ITPR2: variants seen among roughly 807,000 people sequenced by gnomAD.
The protein encoded by ITPR2 is inositol 1,4,5-trisphosphate-gated calcium channel ITPR2.
A neutral mutation model predicts 317.1 loss-of-function variants in ITPR2; 207 were observed. The observed-to-expected ratio is 0.65, with a 90% CI of 0.58 to 0.73. The LOEUF is 0.73. ITPR2 is among the 30% of genes least tolerant of loss of function. The probability of loss-of-function intolerance (pLI) is 0.00; values close to 1 mark genes in which losing one functional copy is unlikely to be tolerated. For synonymous variants in ITPR2, 1,156 were observed against 1,149.1 expected, an observed-to-expected ratio of 1.01 and a Z score of -0.12; for missense variants, 2,613 against 3,284.0, an observed-to-expected ratio of 0.80 and a Z score of 4.99.
intron 26 of ITPR2, among the ~76,000 whole-genome samples, chr12:26,614,373 T>C (rs766664890): frequency 5.3e-5 from 8 of 151,848 alleles, no homozygotes; most frequent in African/African-American, 1.9e-4. Context: ...AAAATAGGTA[T>C]ATAGGATGGG....
chr12:26,516,993 G>A (rs1031363895), intron 37 of ITPR2, among the ~76,000 whole-genome samples: 1 of 152,062 alleles, frequency 6.6e-6, no homozygotes, highest in African/African-American at 2.4e-5. Flanking sequence ...AATATATAAT[G>A]TAATAGAATT....
At chr12:26,357,047 G>A (rs117217310) in intron 55 of ITPR2, among the ~76,000 whole-genome samples, 4,795 of 152,054 alleles carry the variant, frequency 0.032, 128 homozygotes, top group Non-Finnish European at 0.05. Flanking sequence ...ATATCACTTG[G>A]TATTTCCCGA....
intron 49 of ITPR2, among the ~76,000 whole-genome samples, chr12:26,427,061 A>G (rs1941081612): frequency 6.6e-6 from 1 of 152,068 alleles, no homozygotes; most frequent in Non-Finnish European, 1.5e-5. Flanking sequence ...CTTGATACTG[A>G]ATGATCAATC....
rs539794982 is a variant in ITPR2 at position 26,682,698 on chromosome 12, AC to A, written c.1149-26del. 3.0e-4 allele frequency: 443 copies of A among 1,456,808 alleles called. No homozygotes were observed. In the East Asian group the frequency reaches 8.7e-3, roughly 29 times the overall value. The allele number at this position is 1,456,808 out of a possible 1,614,324, so 90.2% of individuals were successfully genotyped here. A position where few individuals can be genotyped will look rare whatever the true frequency, so the allele number is the denominator to read the frequency against. On this transcript the variant is annotated intron_variant, in intron 11 of 56. Transcript: ENST00000381340. ...CCTAAAAGCAAAACAATATAAAAAA[AC>A]AAATTATAAAAAATTAGCACACTTA...
chr12:26,797,492 C>T (rs899672011), intron 1 of ITPR2, among the ~76,000 whole-genome samples: 1 of 151,998 alleles, frequency 6.6e-6, no homozygotes, highest in African/African-American at 2.4e-5. Flanking sequence ...TGTTTGTTTA[C>T]CACATATATC....
chr12:26,428,047 C>A lies in ITPR2; in HGVS notation c.6811G>T (p.Val2271Phe), dbSNP rs779499621. ...AACAGCATAGATGTGCAGATCGCAA[C>A]TGCTATCCAAAGAAGAACCGAGAAC... ...PLFSVLLWIAVAICTSMLFFF... is the reference protein window; with the variant it reads ...PLFSVLLWIAFAICTSMLFFF... The change falls in exon 49 of 57, where the codon GTT (valine) becomes TTT (phenylalanine). Residue 2271 changes from valine (V) to phenylalanine (F), a missense_variant. Physicochemically the swap from Val to Phe is conservative, Grantham distance 50 (BLOSUM62 -1). Transcript: ENST00000381340. 18 of 1,609,828 alleles carry A rather than the reference C, an allele frequency of 1.1e-5. 1 individual carries two copies. The highest frequency in any genetic ancestry group is 1.5e-5 in the Non-Finnish European group (18 of 1,178,418).
intron 37 of ITPR2, among the ~76,000 whole-genome samples, chr12:26,520,411 TGTGA>T (rs1445060636): frequency 2.6e-5 from 4 of 152,196 alleles, no homozygotes; most frequent in Non-Finnish European, 5.9e-5. Flanking sequence ...TTCCTGTTCT[TGTGA>T]GTGTCATTCC....
chr12:26,620,023 T>G (rs761560988), intron 26 of ITPR2, among the ~76,000 whole-genome samples: 1 of 152,190 alleles, frequency 6.6e-6, no homozygotes, highest in Non-Finnish European at 1.5e-5. Flanking sequence ...CACATTGTCC[T>G]TCCTATGATG....
At chr12:26,783,016 G>A (rs1181714643) in intron 2 of ITPR2, among the ~76,000 whole-genome samples, 1 of 152,228 alleles carries the variant, frequency 6.6e-6, no homozygotes, top group Non-Finnish European at 1.5e-5. Flanking sequence ...ACACATGAGT[G>A]TGTAACCTCC....
At chr12:26,485,255 A>C (rs10128790) in intron 41 of ITPR2, among the ~76,000 whole-genome samples, 8,251 of 152,216 alleles carry the variant, frequency 0.054, 638 homozygotes, top group African/African-American at 0.17. Context: ...TTTATTATTT[A>C]ACGTGTTTAT....
chr12:26,552,599 C>T (rs1224401763), intron 36 of ITPR2, among the ~76,000 whole-genome samples: 2 of 152,128 alleles, frequency 1.3e-5, no homozygotes, highest in South Asian at 2.1e-4. Context: ...TATATCCATG[C>T]GGTCAGGCCT....
intron 37 of ITPR2, among the ~76,000 whole-genome samples, chr12:26,518,718 C>T (rs1184986450): frequency 1.3e-5 from 2 of 151,930 alleles, no homozygotes; most frequent in Admixed American, 6.6e-5. Flanking sequence ...ACAAACAGAA[C>T]TAATTTTTAA....
At chr12:26,564,883 A>C (rs1944907622) in intron 34 of ITPR2, among the ~76,000 whole-genome samples, 1 of 152,238 alleles carries the variant, frequency 6.6e-6, no homozygotes, top group Non-Finnish European at 1.5e-5. Flanking sequence ...AGTTATGCTA[A>C]TTTATGGCCA....
rs1295140567 is a variant in ITPR2 at position 26,453,060 on chromosome 12, T to C, written c.6343-9410A>G. ...AAATTATCTTCTAAAACAAGCTTTT[T>C]CCCTACAATTATTTAAGACAAATTG... On this transcript the variant is annotated intron_variant, in intron 45 of 56. Transcript: ENST00000381340. Among the ~76,000 whole-genome samples, 3 of 152,196 alleles carry C rather than the reference T, an allele frequency of 2.0e-5. No homozygotes were observed. In the East Asian group the frequency reaches 5.8e-4, roughly 29 times the overall value.
intron 32 of ITPR2, among the ~76,000 whole-genome samples, chr12:26,586,697 T>A (rs1389150158): frequency 6.6e-6 from 1 of 152,200 alleles, no homozygotes; most frequent in African/African-American, 2.4e-5. Context: ...ACAATTTTTA[T>A]TGAGTGTCTA....
At chr12:26,341,272 T>C (rs1026245247) in intron 55 of ITPR2, among the ~76,000 whole-genome samples, 2 of 152,216 alleles carry the variant, frequency 1.3e-5, no homozygotes, top group Admixed American at 1.3e-4. Flanking sequence ...TTTGTCTCTG[T>C]CTACTCACCT....
At chr12:26,642,490 G>A (rs1357710793) in intron 21 of ITPR2, among the ~76,000 whole-genome samples, 2 of 152,300 alleles carry the variant, frequency 1.3e-5, no homozygotes, top group Admixed American at 6.5e-5. Flanking sequence ...ACTAAGAGAT[G>A]ACACAGCAAG....
intron 10 of ITPR2, among the ~76,000 whole-genome samples, chr12:26,693,400 T>C (rs551103366): frequency 6.6e-5 from 10 of 152,342 alleles, no homozygotes; most frequent in Admixed American, 1.3e-4. Flanking sequence ...TGCTGTTCCA[T>C]AGAACCTCCA....
At chr12:26,469,171 T>C (rs554952867) in intron 45 of ITPR2, among the ~76,000 whole-genome samples, 1 of 152,340 alleles carries the variant, frequency 6.6e-6, no homozygotes, top group Admixed American at 6.5e-5. Flanking sequence ...CACTTCATTG[T>C]GAGCTTCTTG....
Sources: gnomAD v4.1 joint callset for allele counts (sites outside exome capture counted in the v4.1 genomes callset) on GRCh38, gnomAD v4.1.1 for gene constraint, MANE v1.5 for transcripts, NCBI Gene and HGNC (gene_info 2026-07-23, HGNC 2026-07-21) for gene names.